GRIK4: variants seen among roughly 807,000 people sequenced by gnomAD.
GRIK4 encodes the protein glutamate ionotropic receptor kainate type subunit 4.
A neutral mutation model predicts 104.9 loss-of-function variants in GRIK4; 40 were observed. The observed-to-expected ratio is 0.38, with a 90% CI of 0.30 to 0.50. The LOEUF (loss-of-function observed/expected upper bound fraction) is 0.50. Ranked by LOEUF, GRIK4 falls within the 20% of genes least tolerant of loss-of-function variation. The pLI is 0.93. For synonymous variants in GRIK4, 485 were observed against 524.9 expected (o/e 0.92, Z 1.04); for missense variants, 1,047 against 1,308.1 (o/e 0.80, Z 3.08).
chr11:120,853,286 GTA>G (rs1325216783), intron 8 of GRIK4, among the ~76,000 whole-genome samples: 1 of 152,184 alleles, frequency 6.6e-6, no homozygotes, highest in Non-Finnish European at 1.5e-5. Flanking sequence ...TTTCTGTCCT[GTA>G]TTCAGTAAAG....
intron 13 of GRIK4, among the ~76,000 whole-genome samples, chr11:120,933,534 G>T (rs1457797096): frequency 6.6e-6 from 1 of 152,152 alleles, no homozygotes; most frequent in East Asian, 1.9e-4. Context: ...TAAATGACTT[G>T]TCCAAGGTCA....
chr11:120,580,251 CTTTTT>C lies in GRIK4; in HGVS notation c.-159+68365_-159+68369del, dbSNP rs1565558871. The stretch of plus-strand genomic sequence containing the variant: ...TCTTTCTTTCTTTCTTTCTTTCTTT[CTTTTT>C]CTTTCTTTCTTTCCTTTCTTTCTTT... On this transcript the variant is annotated intron_variant, in intron 1 of 20. Transcript: ENST00000527524. Among the ~76,000 whole-genome samples the C allele has an allele frequency of 3.4e-3, 355 of 104,460 alleles. 4 individuals carry two copies. Among genetic ancestry groups the C allele is most frequent in the African/African-American group, 0.015 (337 of 22,264 alleles). The allele number at this position is 104,460 out of a possible 152,430, so 68.5% of individuals were successfully genotyped here.
chr11:120,868,918 C>T (rs1347446785), intron 9 of GRIK4: 1 of 152,182 alleles, frequency 6.6e-6, no homozygotes, highest in Admixed American at 6.5e-5. Flanking sequence ...AACTGCTTCT[C>T]CCTGACTGTA....
chr11:120,935,737 A>G (rs1943582388), intron 13 of GRIK4, among the ~76,000 whole-genome samples: 1 of 152,128 alleles, frequency 6.6e-6, no homozygotes, highest in Non-Finnish European at 1.5e-5. Context: ...ACCCCCATAC[A>G]TAACTAATTT....
chr11:120,919,427 C>T (rs1417808667), intron 13 of GRIK4, among the ~76,000 whole-genome samples: 2 of 152,144 alleles, frequency 1.3e-5, no homozygotes, highest in East Asian at 1.9e-4. Flanking sequence ...TTTAGAGCAG[C>T]GGTTCTCAAA....
At chr11:120,625,189 T>G (rs1211514278) in intron 1 of GRIK4, among the ~76,000 whole-genome samples, 1 of 152,024 alleles carries the variant, frequency 6.6e-6, no homozygotes, top group African/African-American at 2.4e-5. Flanking sequence ...GCGGGAGAAT[T>G]GCTTGAACCA....
At chr11:120,948,344 A>C (rs1943914762) in intron 14 of GRIK4, among the ~76,000 whole-genome samples, 1 of 152,194 alleles carries the variant, frequency 6.6e-6, no homozygotes, top group African/African-American at 2.4e-5. Flanking sequence ...ATAGAGTTTC[A>C]GGAAAGAAGA....
intron 19 of GRIK4, among the ~76,000 whole-genome samples, chr11:120,977,520 C>T (rs572885269): frequency 5.3e-5 from 8 of 152,280 alleles, no homozygotes; most frequent in South Asian, 2.1e-4. Flanking sequence ...TCCCACTCCC[C>T]GCTCCATCTG....
chr11:120,566,968 A>ATTTTT (rs572433053), intron 1 of GRIK4, among the ~76,000 whole-genome samples: 3 of 99,724 alleles, frequency 3.0e-5, no homozygotes, highest in African/African-American at 9.8e-5. Flanking sequence ...CGGCCTCCTA[A>ATTTTT]TTTTTTTTTT....
chr11:120,956,915 C>G lies in GRIK4; in HGVS notation c.1836C>G (p.Ala612=). ...GGFMQQGSTI[A]PRALSTRCVS... is the part of the protein sequence containing the mutation. ...TCATGCAGCAAGGCTCCACCATCGC[C>G]CCTCGCGCCTTATCCACCCGCTGTG... Residue 612 remains alanine (A), a synonymous_variant, in exon 16 of 21, where the codon GCC becomes GCG. Coordinates refer to ENST00000527524, the MANE Select transcript of GRIK4 (RefSeq NM_014619.5). This position sits in a 1 kb window ranked among gnomAD's most constrained non-coding sequence, Gnocchi z 4.6. The G allele has an allele frequency of 6.2e-7, 1 of 1,613,398 alleles. No homozygotes were observed. Among genetic ancestry groups the G allele is most frequent in the Non-Finnish European group, 8.5e-7 (1 of 1,179,678 alleles).
At chr11:120,972,072 T>G (rs1944484611) in intron 19 of GRIK4, among the ~76,000 whole-genome samples, 1 of 152,228 alleles carries the variant, frequency 6.6e-6, no homozygotes, top group Non-Finnish European at 1.5e-5. Flanking sequence ...TTTTGCATCT[T>G]ACTCTGTAAT....
At position 120,905,445 on chromosome 11, in the gene GRIK4, C is replaced by A; in HGVS notation, c.1428C>A (p.Pro476=). Residue 476 remains proline (P), a synonymous_variant, in exon 13 of 21, where the codon CCC becomes CCA. Coordinates refer to ENST00000527524, the MANE Select transcript of GRIK4 (RefSeq NM_014619.5). This position sits in a 1 kb window ranked among gnomAD's most constrained non-coding sequence, Gnocchi z 5.1. ...RLVGDGVYGV[P]EANGTWTGMV... Reference sequence around the variant, plus strand: ...TTGGGGATGGCGTGTACGGCGTTCCCGAGGCCAACGGCACCTGGACGGGAA... The same window carrying A: ...TTGGGGATGGCGTGTACGGCGTTCCAGAGGCCAACGGCACCTGGACGGGAA... 6.4e-7 allele frequency: 1 copy of A among 1,557,666 alleles called. No homozygotes were observed. The highest frequency in any genetic ancestry group is 8.7e-7 in the Non-Finnish European group (1 of 1,144,200).
At chr11:120,592,135 A>C (rs1289543523) in intron 1 of GRIK4, among the ~76,000 whole-genome samples, 2 of 152,236 alleles carry the variant, frequency 1.3e-5, no homozygotes, top group African/African-American at 4.8e-5. Context: ...CCTTAAAATC[A>C]GAGATCTTTT....
chr11:120,867,983 C>G (rs886301824), intron 9 of GRIK4: 1 of 152,174 alleles, frequency 6.6e-6, no homozygotes, highest in Non-Finnish European at 1.5e-5. Flanking sequence ...ATTGTAAGAA[C>G]TATTCCATGG....
chr11:120,863,961 G>A (rs1299262951), intron 9 of GRIK4, among the ~76,000 whole-genome samples: 1 of 152,182 alleles, frequency 6.6e-6, no homozygotes, highest in South Asian at 2.1e-4. Context: ...AGAGTTTCAT[G>A]CAGGTTTATG....
intron 3 of GRIK4, among the ~76,000 whole-genome samples, chr11:120,660,605 C>T (rs1314324479): frequency 6.6e-6 from 1 of 152,168 alleles, no homozygotes; most frequent in Non-Finnish European, 1.5e-5. Context: ...TGCTGAGCTC[C>T]CCGGCCACTA....
intron 17 of GRIK4, 98 bp downstream of exon 17, chr11:120,961,172 T>C: frequency 1.8e-6 from 2 of 1,110,094 alleles, no homozygotes; most frequent in Non-Finnish European, 2.7e-6. Flanking sequence ...CGCATCTCAT[T>C]ATCTCTTTTG....
At chr11:120,536,508 T>C (rs759297063) in intron 1 of GRIK4, among the ~76,000 whole-genome samples, 1 of 152,144 alleles carries the variant, frequency 6.6e-6, no homozygotes. Flanking sequence ...TGATTACAGA[T>C]TGGGGGGGCC....
chr11:120,707,424 C>T (rs61355898), intron 3 of GRIK4, among the ~76,000 whole-genome samples: 18,087 of 152,118 alleles, frequency 0.12, 2,271 homozygotes, highest in African/African-American at 0.32. Context: ...GCAGATCCTG[C>T]ACATTTGTGT....
Sources: allele counts gnomAD v4.1 joint callset (sites outside exome capture counted in the v4.1 genomes callset), GRCh38; gene constraint gnomAD v4.1.1; non-coding constraint Gnocchi (gnomAD v3.1); transcripts MANE v1.5; gene names NCBI Gene and HGNC (gene_info 2026-07-23, HGNC 2026-07-21).